ZNF730: variants seen among roughly 807,000 people sequenced by gnomAD.
The protein encoded by ZNF730 is zinc finger protein 730, also known as putative zinc finger protein 730.
In ZNF730, 12 loss-of-function variants were observed where a neutral mutation model predicts 12.6. That is an observed-to-expected ratio of 0.95 (90% CI 0.61 to 1.54). The LOEUF (loss-of-function observed/expected upper bound fraction) is 1.54, where lower values mean the gene tolerates loss of function less well. Ranked by LOEUF, ZNF730 falls within the 40% of genes most tolerant of loss-of-function variation. The pLI, the probability that ZNF730 is intolerant of heterozygous loss-of-function variation, is 0.00. For synonymous variants in ZNF730, 194 were observed against 195.8 expected (o/e 0.99, Z 0.08); for missense variants, 643 against 583.5 (o/e 1.10, Z -1.05).
intron 3 of ZNF730, among the ~76,000 whole-genome samples, chr19:23,137,090 A>C (rs996699434): frequency 6.0e-5 from 6 of 99,418 alleles, no homozygotes; most frequent in Non-Finnish European, 9.7e-5. Flanking sequence ...GAATTGCTTG[A>C]ATCTGGGAAA....
At chr19:23,144,182 A>G (rs547482910) in intron 3 of ZNF730, 2 of 151,838 alleles carry the variant, frequency 1.3e-5, no homozygotes, top group Non-Finnish European at 2.9e-5. Context: ...AATATTTTTG[A>G]TGGAATTATA....
rs1188217837 is a variant in ZNF730 at position 23,117,166 on chromosome 19, G to T, written c.-8G>T. On this transcript the variant is annotated 5_prime_UTR_variant, in exon 1 of 4. Transcript: ENST00000597761. ...GCTAAGACGCCAGGGCCCCCTGGAA[G>T]CCTAGAAATGGTGAGAGTGCCGGTC... is the stretch of plus-strand genomic sequence containing the variant. 2 of 1,613,966 alleles carry T rather than the reference G, an allele frequency of 1.2e-6. No homozygotes were observed. Among genetic ancestry groups the T allele is most frequent in the African/African-American group, 2.7e-5 (2 of 75,078 alleles).
At chr19:23,083,347 C>T (rs1235204292) in intron 1 of ZNF730, among the ~76,000 whole-genome samples, 2 of 152,018 alleles carry the variant, frequency 1.3e-5, no homozygotes, top group African/African-American at 2.4e-5. Flanking sequence ...CCGCTTGAAC[C>T]GGGGAGGGGG....
intron 1 of ZNF730, among the ~76,000 whole-genome samples, chr19:23,132,016 TTTC>T (rs1970749010): frequency 6.7e-6 from 1 of 148,478 alleles, no homozygotes; most frequent in Non-Finnish European, 1.5e-5. Context: ...GGCCCACGTT[TTTC>T]TTAACTGTAG....
At chr19:23,113,181 A>T (rs2145579106), upstream of ZNF730, among the ~76,000 whole-genome samples, 1 of 152,336 alleles carries the variant, frequency 6.6e-6, no homozygotes, top group Admixed American at 6.5e-5. Context: ...GTAGGGGATT[A>T]ATGAACAGGC....
At chr19:23,115,087 C>T (rs967448567), upstream of ZNF730, among the ~76,000 whole-genome samples, 1 of 151,692 alleles carries the variant, frequency 6.6e-6, no homozygotes, top group Non-Finnish European at 1.5e-5. Context: ...TCTGCAATTT[C>T]TTGACAGGAT....
intron 1 of ZNF730, chr19:23,124,200 G>C (rs1468079201): frequency 6.6e-6 from 1 of 152,230 alleles, no homozygotes; most frequent in Non-Finnish European, 1.5e-5. Context: ...GGCGTAAAGA[G>C]AGGACACTGG....
chr19:23,129,085 C>CT (rs1970709526), intron 1 of ZNF730, among the ~76,000 whole-genome samples: 1 of 152,168 alleles, frequency 6.6e-6, no homozygotes. Context: ...GATTTCAGAG[C>CT]TATATGGGAA....
chr19:23,114,504 TTTTATTTATTTTTA>T (rs1970495388), upstream of ZNF730, among the ~76,000 whole-genome samples: 1 of 32,998 alleles, frequency 3.0e-5, no homozygotes, highest in Non-Finnish European at 1.1e-4. Context: ...TTTATTTTTA[TTTTATTTATTTTTA>T]TTTATTTTTA....
intron 1 of ZNF730, chr19:23,127,639 T>A (rs1429889992): frequency 9.0e-7 from 1 of 1,106,616 alleles, no homozygotes; most frequent in Non-Finnish European, 1.4e-6. Context: ...ATAAACTCTT[T>A]GTGTGAATGG....
chr19:23,110,897 T>C (rs1014857968), intron 1 of ZNF730, among the ~76,000 whole-genome samples: 1 of 152,244 alleles, frequency 6.6e-6, no homozygotes, highest in African/African-American at 2.4e-5. Flanking sequence ...TTTTTAGACA[T>C]GCCATTTGAA....
chr19:23,139,255 A>G (rs1186111988), intron 3 of ZNF730, among the ~76,000 whole-genome samples: 1 of 152,122 alleles, frequency 6.6e-6, no homozygotes, highest in African/African-American at 2.4e-5. Context: ...TTTATTTAGC[A>G]TTGTAAAGCT....
chr19:23,079,809 C>A (rs1185587733), intron 1 of ZNF730, among the ~76,000 whole-genome samples: 1 of 152,078 alleles, frequency 6.6e-6, no homozygotes, highest in African/African-American at 2.4e-5. Flanking sequence ...ATTTTACTTT[C>A]TTTTTTCATG....
chr19:23,122,755 G>A (rs1485626775), intron 1 of ZNF730, among the ~76,000 whole-genome samples: 4 of 152,158 alleles, frequency 2.6e-5, no homozygotes, highest in Non-Finnish European at 5.9e-5. Flanking sequence ...TTGTATAATA[G>A]TATGAATATA....
chr19:23,087,803 CA>C (rs1970089849), intron 1 of ZNF730, among the ~76,000 whole-genome samples: 1 of 150,538 alleles, frequency 6.6e-6, no homozygotes. Flanking sequence ...TTAGTAGAGA[CA>C]GGTTTCTTCA....
At chr19:23,135,157 C>T (rs1385567802) in intron 2 of ZNF730, among the ~76,000 whole-genome samples, 12 of 131,068 alleles carry the variant, frequency 9.2e-5, no homozygotes, top group African/African-American at 2.9e-4. Context: ...ACTGACCTTC[C>T]CTCCACTATT....
chr19:23,077,006 A>G (rs1296074664), intron 1 of ZNF730, among the ~76,000 whole-genome samples: 1 of 152,184 alleles, frequency 6.6e-6, no homozygotes, highest in Non-Finnish European at 1.5e-5. Flanking sequence ...TTGTGCAGCT[A>G]TAAAAAAAAT....
chr19:23,131,522 C>G (rs1394245508), intron 1 of ZNF730, among the ~76,000 whole-genome samples: 1 of 152,190 alleles, frequency 6.6e-6, no homozygotes, highest in African/African-American at 2.4e-5. Context: ...TTGTTGCTTT[C>G]TGTTTCTTCT....
At chr19:23,114,459 A>C (rs1970493958), upstream of ZNF730, among the ~76,000 whole-genome samples, 1 of 149,704 alleles carries the variant, frequency 6.7e-6, no homozygotes, top group South Asian at 2.1e-4. Context: ...GGCGCCCGCC[A>C]TCACACCCGG....
Sources: gnomAD v4.1 joint callset for allele counts (sites outside exome capture counted in the v4.1 genomes callset) on GRCh38, gnomAD v4.1.1 for gene constraint, MANE v1.5 for transcripts, NCBI Gene and HGNC (gene_info 2026-07-23, HGNC 2026-07-21) for gene names.